The following RALGPS2 variants were observed in gnomAD, a reference collection of about 807,000 sequenced individuals.
The protein encoded by RALGPS2 is ras-specific guanine nucleotide-releasing factor RalGPS2.
Under a neutral mutation model 86.8 loss-of-function variants are expected in RALGPS2, and 43 were observed. That is an observed-to-expected ratio of 0.50 (90% confidence interval 0.39 to 0.64). The LOEUF (loss-of-function observed/expected upper bound fraction) is 0.64, where lower values mean the gene tolerates loss of function less well. Among genes scored for constraint, RALGPS2 ranks in the 30% least tolerant of loss-of-function variants. The probability of loss-of-function intolerance (pLI) is 0.00; values close to 1 mark genes in which losing one functional copy is unlikely to be tolerated. For synonymous variants in RALGPS2, 243 were observed against 231.3 expected (o/e 1.05, Z -0.46); for missense variants, 536 against 694.6 (o/e 0.77, Z 2.57).
intron 8 of RALGPS2, among the ~76,000 whole-genome samples, chr1:178,844,590 T>C (rs1159342458): frequency 6.6e-6 from 1 of 152,172 alleles, no homozygotes; most frequent in East Asian, 1.9e-4. Flanking sequence ...GGATATAATT[T>C]GTCTAGAGAG....
intron 8 of RALGPS2, among the ~76,000 whole-genome samples, chr1:178,859,091 ATTAC>A (rs1431733932): frequency 3.3e-5 from 5 of 152,080 alleles, no homozygotes; most frequent in Admixed American, 3.3e-4. Context: ...AATAATATGA[ATTAC>A]TTAGTTTATT....
intron 8 of RALGPS2, among the ~76,000 whole-genome samples, chr1:178,838,730 A>C (rs984353062): frequency 6.6e-5 from 10 of 152,184 alleles, no homozygotes; most frequent in African/African-American, 2.4e-4. Context: ...TAAAGGAGGA[A>C]GTTCGAATCC....
intron 15 of RALGPS2, 68 bp downstream of exon 15, chr1:178,892,375 G>A: frequency 3.2e-6 from 4 of 1,253,966 alleles, no homozygotes; most frequent in Non-Finnish European, 4.6e-6. Flanking sequence ...TTACATGGGT[G>A]TGGTCTGACG....
chr1:178,775,920 C>CA (rs535964125), intron 1 of RALGPS2, among the ~76,000 whole-genome samples: 5,636 of 86,500 alleles, frequency 0.065, 118 homozygotes, highest in Middle Eastern at 0.13. Flanking sequence ...ATACTTGGGG[C>CA]AAAAAAAAAA....
chr1:178,846,392 C>G (rs1052627488), intron 8 of RALGPS2, among the ~76,000 whole-genome samples: 1 of 152,156 alleles, frequency 6.6e-6, no homozygotes, highest in African/African-American at 2.4e-5. Context: ...TATACTAAAA[C>G]AGCAGTAAAG....
At chr1:178,838,036 CA>C in intron 8 of RALGPS2, among the ~76,000 whole-genome samples, 1 of 152,294 alleles carries the variant, frequency 6.6e-6, no homozygotes, top group East Asian at 1.9e-4. Context: ...CCTGGAAGCT[CA>C]AACTGGGTGG....
chr1:178,803,785 C>T (rs1389213673), intron 4 of RALGPS2, among the ~76,000 whole-genome samples: 4 of 152,152 alleles, frequency 2.6e-5, no homozygotes, highest in Non-Finnish European at 4.4e-5. Context: ...GCATTCACTC[C>T]TTATCTACTG....
rs973320433 is a variant in RALGPS2 at position 178,780,112 on chromosome 1, A to G, written c.57+3291A>G. The stretch of plus-strand genomic sequence containing the variant: ...AATCTGCTAGCAAGACAGAAGTTAC[A>G]ATCTTATATAACGTAATCATGGAAG... On this transcript the variant is annotated intron_variant, in intron 2 of 19. Transcript: ENST00000367635. Among the ~76,000 whole-genome samples, 5 of 152,194 alleles carry G rather than the reference A, an allele frequency of 3.3e-5. No homozygotes were observed. The East Asian group carries it at 9.6e-4, about 29-fold the overall frequency.
chr1:178,910,979 A>T (rs2102419056), intron 19 of RALGPS2, among the ~76,000 whole-genome samples: 1 of 152,180 alleles, frequency 6.6e-6, no homozygotes, highest in Middle Eastern at 3.4e-3. Flanking sequence ...TTTCTTCCTC[A>T]TTCAATCTTC....
intron 7 of RALGPS2, among the ~76,000 whole-genome samples, chr1:178,830,024 C>G (rs184199025): frequency 6.6e-6 from 1 of 152,294 alleles, no homozygotes; most frequent in Admixed American, 6.5e-5. Context: ...GGATTACAAG[C>G]TTGAGCCACC....
intron 19 of RALGPS2, among the ~76,000 whole-genome samples, chr1:178,911,414 CTG>C (rs1225511471): frequency 6.6e-6 from 1 of 151,972 alleles, no homozygotes; most frequent in Non-Finnish European, 1.5e-5. Flanking sequence ...TGTTGTGTCT[CTG>C]TTTTCCTTAG....
At chr1:178,769,868 A>G (rs72705195) in intron 1 of RALGPS2, among the ~76,000 whole-genome samples, 6,000 of 152,152 alleles carry the variant, frequency 0.039, 171 homozygotes, top group Middle Eastern at 0.12. Context: ...AAAAAGTGTC[A>G]CAGAGAGAGG....
chr1:178,768,014 A>T (rs1437865999), intron 1 of RALGPS2, among the ~76,000 whole-genome samples: 2 of 152,174 alleles, frequency 1.3e-5, no homozygotes, highest in African/African-American at 4.8e-5. Flanking sequence ...AAGTGCTGGG[A>T]TTATAGATGT....
chr1:178,735,991 C>A (rs1650678307), intron 1 of RALGPS2, among the ~76,000 whole-genome samples: 4 of 151,810 alleles, frequency 2.6e-5, no homozygotes, highest in African/African-American at 4.8e-5. Context: ...TACATAATTT[C>A]CTTTTGATGA....
intron 8 of RALGPS2, among the ~76,000 whole-genome samples, chr1:178,869,861 TA>T (rs912731549): frequency 7.9e-5 from 12 of 152,196 alleles, no homozygotes; most frequent in African/African-American, 2.9e-4. Flanking sequence ...ATAGTTTTTA[TA>T]ATGCATGTAA....
At chr1:178,814,056 A>T (rs1179778771) in intron 6 of RALGPS2, among the ~76,000 whole-genome samples, 1 of 152,342 alleles carries the variant, frequency 6.6e-6, no homozygotes, top group Admixed American at 6.5e-5. Context: ...ATGCCTCTTC[A>T]TATGCCACCT....
intron 6 of RALGPS2, among the ~76,000 whole-genome samples, chr1:178,815,236 A>C (rs1159890206): frequency 6.6e-6 from 1 of 151,530 alleles, no homozygotes; most frequent in Non-Finnish European, 1.5e-5. Context: ...TCACACCACC[A>C]TGCCCAGTTA....
intron 1 of RALGPS2, among the ~76,000 whole-genome samples, chr1:178,751,147 C>T (rs1031208949): frequency 6.6e-6 from 1 of 152,008 alleles, no homozygotes; most frequent in South Asian, 2.1e-4. Context: ...CTATGTCCCT[C>T]CCCCCCAAAC....
At chr1:178,729,497 AAG>A (rs1317870888) in intron 1 of RALGPS2, among the ~76,000 whole-genome samples, 2 of 152,206 alleles carry the variant, frequency 1.3e-5, no homozygotes, top group Non-Finnish European at 2.9e-5. Context: ...TTTTTAAAAA[AAG>A]ATTAATATTT....
Sources: allele counts gnomAD v4.1 joint callset (sites outside exome capture counted in the v4.1 genomes callset), GRCh38; gene constraint gnomAD v4.1.1; transcripts MANE v1.5; gene names NCBI Gene and HGNC (gene_info 2026-07-23, HGNC 2026-07-21).